The following PCLO variants were observed in gnomAD, a reference collection of about 807,000 sequenced individuals.
PCLO encodes the protein piccolo presynaptic cytomatrix protein.
PCLO carries 82 observed loss-of-function variants against 427.5 expected under a neutral mutation model. That is an observed-to-expected ratio of 0.19 (90% confidence interval 0.16 to 0.23). The LOEUF is 0.23. Among genes scored for constraint, PCLO ranks in the 10% least tolerant of loss-of-function variants. The pLI, the probability that PCLO is intolerant of heterozygous loss-of-function variation, is 1.00. For synonymous variants in PCLO, 2,357 were observed against 2,155.4 expected (o/e 1.09, Z -2.59); for missense variants, 6,239 against 6,115.9 (o/e 1.02, Z -0.67).
Position 82,956,242 on chromosome 7 carries a change from C to A in PCLO, c.4711G>T (p.Gly1571Cys), listed in dbSNP as rs1208257068. The change falls in exon 5 of 25, where the codon GGT becomes TGT. Residue 1571 changes from glycine (G) to cysteine (C), a missense_variant. Physicochemically the swap from Gly to Cys is radical, Grantham distance 159. Transcript: ENST00000333891. ...IEMSADEDAS[G>C]SEDDEFIRNQ... ...CTGATGAACTCATCATCTTCAGAAC[C>A]TGAAGCATCTTCATCAGCACTCATT... is the stretch of plus-strand genomic sequence containing the variant. The A allele has an allele frequency of 1.2e-6, 2 of 1,611,582 alleles. No homozygotes were observed. The highest frequency in any genetic ancestry group is 1.7e-6 in the Non-Finnish European group (2 of 1,179,834).
At chr7:83,142,179 G>C (rs75521325) in intron 2 of PCLO, among the ~76,000 whole-genome samples, 3,108 of 152,156 alleles carry the variant, frequency 0.02, 135 homozygotes, top group African/African-American at 0.071. Context: ...GTAGTACTTG[G>C]AATAATGAAA....
chr7:83,142,400 T>G (rs1266876673), intron 2 of PCLO, among the ~76,000 whole-genome samples: 1 of 152,146 alleles, frequency 6.6e-6, no homozygotes, highest in Non-Finnish European at 1.5e-5. Flanking sequence ...AAAGCAGTAT[T>G]CCCATTCTCT....
chr7:82,801,941 C>A (rs1562792724), intron 21 of PCLO, among the ~76,000 whole-genome samples: 1 of 151,916 alleles, frequency 6.6e-6, no homozygotes, highest in Non-Finnish European at 1.5e-5. Flanking sequence ...TCTAACTCAA[C>A]AATGAGAAGG....
chr7:83,029,966 T>TG (rs1467310430), intron 3 of PCLO, among the ~76,000 whole-genome samples: 1 of 72,720 alleles, frequency 1.4e-5, no homozygotes, highest in African/African-American at 5.5e-5. Context: ...TGTTGTGGGG[T>TG]GGGGGGAGGG....
chr7:82,884,243 C>T (rs1156630284), intron 9 of PCLO, among the ~76,000 whole-genome samples: 1 of 152,032 alleles, frequency 6.6e-6, no homozygotes, highest in East Asian at 1.9e-4. Context: ...TCCATATTCA[C>T]AGTATATTGC....
intron 3 of PCLO, among the ~76,000 whole-genome samples, chr7:83,079,924 C>T (rs1200720837): frequency 1.3e-5 from 2 of 151,654 alleles, no homozygotes; most frequent in Non-Finnish European, 2.9e-5. Context: ...TCCCTGTGTC[C>T]ATGTGTTCTC....
At chr7:82,767,809 A>G (rs1790562867) in intron 22 of PCLO, among the ~76,000 whole-genome samples, 1 of 152,150 alleles carries the variant, frequency 6.6e-6, no homozygotes, top group Non-Finnish European at 1.5e-5. Flanking sequence ...ATCCCATTTA[A>G]TATTATACTT....
intron 3 of PCLO, among the ~76,000 whole-genome samples, chr7:83,043,838 G>A (rs1476889570): frequency 6.7e-6 from 1 of 148,774 alleles, no homozygotes; most frequent in Non-Finnish European, 1.5e-5. Context: ...AATTATAGAA[G>A]AGAAATCATA....
chr7:83,011,738 T>TAC (rs1181250826), intron 3 of PCLO, among the ~76,000 whole-genome samples: 1 of 151,862 alleles, frequency 6.6e-6, no homozygotes, highest in Non-Finnish European at 1.5e-5. Flanking sequence ...TTACATCTGG[T>TAC]ACACACACAC....
intron 2 of PCLO, among the ~76,000 whole-genome samples, chr7:83,138,024 C>T (rs1298543643): frequency 6.6e-6 from 1 of 152,140 alleles, no homozygotes. Context: ...AATGTCAACT[C>T]TGCTGTTCTA....
intron 3 of PCLO, among the ~76,000 whole-genome samples, chr7:82,979,663 C>T (rs577880175): frequency 6.6e-6 from 1 of 152,134 alleles, no homozygotes; most frequent in East Asian, 1.9e-4. Flanking sequence ...ACTTATTGGC[C>T]ATTGAAGCAA....
In PCLO at chr7:83,155,554, C is replaced by G. The variant is rs1349784652; in HGVS notation, c.1087G>C (p.Ala363Pro). The G allele has an allele frequency of 9.9e-6, 16 of 1,612,894 alleles. No individual in the cohort carries two copies. Among genetic ancestry groups the G allele is most frequent in the Non-Finnish European group, 1.3e-5 (15 of 1,179,404 alleles). Residue 363 changes from alanine to proline, a missense_variant, in exon 2 of 25, where the codon GCT (alanine) becomes CCT (proline). Physicochemically the swap from Ala to Pro is conservative, Grantham distance 27. Transcript: ENST00000333891. ...GGCTTAGCAGGACCAAGAGGCTGAG[C>G]TGGAGGCTTTGTTGTCCCTGGTGGC... Reference protein sequence around the residue: ...VQPPGTTKPPAQPLGPAKPPA... With the variant: ...VQPPGTTKPPPQPLGPAKPPA...
At chr7:82,912,832 A>G (rs1158306153) in intron 7 of PCLO, among the ~76,000 whole-genome samples, 2 of 152,104 alleles carry the variant, frequency 1.3e-5, no homozygotes, top group Non-Finnish European at 2.9e-5. Flanking sequence ...CAGCATGTTG[A>G]CAAAATATCT....
intron 22 of PCLO, among the ~76,000 whole-genome samples, chr7:82,795,085 C>T (rs1791198155): frequency 6.6e-6 from 1 of 151,988 alleles, no homozygotes; most frequent in Admixed American, 6.5e-5. Context: ...TTTTATTATT[C>T]CATTTTTAAA....
chr7:82,803,786 A>C (rs1012910822), intron 21 of PCLO, among the ~76,000 whole-genome samples: 6 of 152,192 alleles, frequency 3.9e-5, no homozygotes, highest in African/African-American at 9.6e-5. Context: ...ACTGCCAAAT[A>C]CTACTTCTTA....
Position 82,915,218 on chromosome 7 carries a change from C to A in PCLO, c.12768G>T (p.Met4256Ile). Residue 4256 changes from methionine (M) to isoleucine (I), a missense_variant, in exon 7 of 25, where the codon ATG (methionine) becomes ATT (isoleucine). This residue lies in a region of PCLO where 680 missense variants were observed against 677.3 expected (regional missense o/e 1.00). Transcript: ENST00000333891. Reference sequence around the variant, plus strand: ...CCAGTCCTGTGCCAAGAGAAGATCCCATAAATTTTTGTTGGTCTGTAATAT... The same window carrying A: ...CCAGTCCTGTGCCAAGAGAAGATCCAATAAATTTTTGTTGGTCTGTAATAT... Reference protein sequence around the residue: ...RKNITDQQKFMGSSLGTGLGT... With the variant: ...RKNITDQQKFIGSSLGTGLGT... 6.2e-7 allele frequency: 1 copy of A among 1,612,902 alleles called. No homozygotes were observed. The highest frequency in any genetic ancestry group is 8.5e-7 in the Non-Finnish European group (1 of 1,179,520).
intron 3 of PCLO, among the ~76,000 whole-genome samples, chr7:83,076,643 G>A (rs1461148813): frequency 2.2e-5 from 3 of 133,976 alleles, no homozygotes; most frequent in African/African-American, 8.3e-5. Context: ...TTTTTTTGCA[G>A]TTTTTTTTTA....
intron 9 of PCLO, among the ~76,000 whole-genome samples, chr7:82,901,240 T>A (rs1794031606): frequency 6.6e-6 from 1 of 151,896 alleles, no homozygotes; most frequent in South Asian, 2.1e-4. Context: ...CTACTTATTT[T>A]TTTACATTTC....
At chr7:83,070,388 G>GT (rs35523358) in intron 3 of PCLO, among the ~76,000 whole-genome samples, 20,295 of 138,378 alleles carry the variant, frequency 0.15, 1,575 homozygotes, top group Admixed American at 0.2. Flanking sequence ...ACGTTTTGTG[G>GT]TTTTTTTTTT....
Sources: allele counts gnomAD v4.1 joint callset (sites outside exome capture counted in the v4.1 genomes callset), GRCh38; gene constraint gnomAD v4.1.1; regional missense constraint gnomAD v4.1.1; transcripts MANE v1.5; gene names NCBI Gene and HGNC (gene_info 2026-07-23, HGNC 2026-07-21).